Variants in GPATCH2 observed in about 807,000 individuals in gnomAD.
GPATCH2 encodes the protein G patch domain-containing protein 2.
GPATCH2 carries 51 observed loss-of-function variants against 58.0 expected under a neutral mutation model. The observed-to-expected ratio is 0.88, with a 90% confidence interval of 0.70 to 1.11. The LOEUF is 1.11. Among genes scored for constraint, GPATCH2 ranks in the 50% most tolerant of loss-of-function variants. The probability of loss-of-function intolerance (pLI) is 0.00; values close to 1 mark genes in which losing one functional copy is unlikely to be tolerated. For missense variants in GPATCH2, 625 were observed against 652.2 expected (o/e 0.96, Z 0.45); for synonymous variants, 222 against 218.5 (o/e 1.02, Z -0.14).
intron 7 of GPATCH2, chr1:217,492,550 A>T (rs762882642): frequency 1.3e-5 from 2 of 152,212 alleles, no homozygotes; most frequent in Admixed American, 6.5e-5. Context: ...AAAGTCTTGG[A>T]AATAATAATA....
intron 8 of GPATCH2, among the ~76,000 whole-genome samples, chr1:217,469,639 T>C (rs1233352595): frequency 6.6e-6 from 1 of 152,142 alleles, no homozygotes; most frequent in Non-Finnish European, 1.5e-5. Context: ...ATATTTGATA[T>C]TTGAATATTT....
At chr1:217,506,547 C>A (rs1420349908) in intron 6 of GPATCH2, among the ~76,000 whole-genome samples, 2 of 152,136 alleles carry the variant, frequency 1.3e-5, no homozygotes, top group Non-Finnish European at 2.9e-5. Context: ...GCCTTTTGGC[C>A]TTTGGGCATC....
chr1:217,473,501 A>C (rs1317180286), intron 8 of GPATCH2, among the ~76,000 whole-genome samples: 1 of 152,170 alleles, frequency 6.6e-6, no homozygotes, highest in African/African-American at 2.4e-5. Flanking sequence ...TCATGGTTTC[A>C]AAGGTTTTGA....
At chr1:217,433,348 T>G (rs1658633920) in intron 9 of GPATCH2, among the ~76,000 whole-genome samples, 1 of 147,778 alleles carries the variant, frequency 6.8e-6, no homozygotes, top group Admixed American at 6.8e-5. Context: ...TTATTATTGT[T>G]CTTTAAGCTG....
intron 8 of GPATCH2, among the ~76,000 whole-genome samples, chr1:217,478,153 A>G (rs1661050740): frequency 6.6e-6 from 1 of 152,174 alleles, no homozygotes; most frequent in Admixed American, 6.5e-5. Flanking sequence ...AGTCCCTTTT[A>G]ATATCTGGAA....
intron 8 of GPATCH2, among the ~76,000 whole-genome samples, chr1:217,465,710 G>A (rs150044116): frequency 6.6e-6 from 1 of 152,320 alleles, no homozygotes; most frequent in Non-Finnish European, 1.5e-5. Flanking sequence ...ATGTGGAACT[G>A]TAAATCCAAT....
At chr1:217,594,721 T>C (rs1667743417) in intron 5 of GPATCH2, among the ~76,000 whole-genome samples, 1 of 152,176 alleles carries the variant, frequency 6.6e-6, no homozygotes, top group Non-Finnish European at 1.5e-5. Flanking sequence ...TAAAAATAAG[T>C]TTATGTCCTC....
intron 8 of GPATCH2, among the ~76,000 whole-genome samples, chr1:217,478,395 G>C (rs867537661): frequency 2.6e-5 from 4 of 152,194 alleles, no homozygotes; most frequent in Middle Eastern, 3.4e-3. Context: ...ATAACACAAA[G>C]AAGGAATTCA....
intron 5 of GPATCH2, among the ~76,000 whole-genome samples, chr1:217,517,014 T>C (rs1347669771): frequency 2.0e-5 from 3 of 152,208 alleles, no homozygotes; most frequent in East Asian, 3.8e-4. Flanking sequence ...AAACAGAATT[T>C]ATAGCTAATT....
chr1:217,630,889 C>G, intron 1 of GPATCH2, 27 bp downstream of exon 1: 1 of 1,561,214 alleles, frequency 6.4e-7, no homozygotes, highest in Non-Finnish European at 8.7e-7. Context: ...TCCCTGACCT[C>G]CCCCTCCCCA....
At chr1:217,596,117 G>T (rs1489160718) in intron 5 of GPATCH2, among the ~76,000 whole-genome samples, 1 of 152,046 alleles carries the variant, frequency 6.6e-6, no homozygotes, top group African/African-American at 2.4e-5. Flanking sequence ...AAGGAAGGAT[G>T]AAGAGTATCT....
intron 1 of GPATCH2, among the ~76,000 whole-genome samples, chr1:217,629,017 A>G (rs1281402202): frequency 6.6e-6 from 1 of 152,126 alleles, no homozygotes; most frequent in African/African-American, 2.4e-5. Flanking sequence ...CTTATCTAAA[A>G]TGCAAAGAAT....
intron 5 of GPATCH2, chr1:217,610,113 C>T: frequency 6.5e-7 from 1 of 1,543,756 alleles, no homozygotes; most frequent in Non-Finnish European, 8.7e-7. Flanking sequence ...ATGTCATTCC[C>T]CAGATGTTCA....
At chr1:217,496,468 G>T (rs1456404447) in intron 7 of GPATCH2, among the ~76,000 whole-genome samples, 2 of 151,866 alleles carry the variant, frequency 1.3e-5, no homozygotes, top group Non-Finnish European at 2.9e-5. Context: ...TTGTTTGTTT[G>T]TTTTGCATAA....
At chr1:217,477,595 C>T (rs1347073502) in intron 8 of GPATCH2, among the ~76,000 whole-genome samples, 1 of 152,132 alleles carries the variant, frequency 6.6e-6, no homozygotes, top group Non-Finnish European at 1.5e-5. Flanking sequence ...CAGTACTCCC[C>T]ATGGCCTGTG....
At chr1:217,467,793 T>C (rs376758268) in intron 8 of GPATCH2, among the ~76,000 whole-genome samples, 2 of 152,110 alleles carry the variant, frequency 1.3e-5, no homozygotes, top group African/African-American at 4.8e-5. Context: ...TTTCCTATTA[T>C]AGTAAAGGAA....
intron 5 of GPATCH2, among the ~76,000 whole-genome samples, chr1:217,579,122 T>C (rs1436347477): frequency 1.3e-5 from 2 of 152,178 alleles, no homozygotes; most frequent in East Asian, 3.8e-4. Flanking sequence ...TTTTAAAAGG[T>C]GTAACGCACC....
intron 2 of GPATCH2, among the ~76,000 whole-genome samples, chr1:217,615,764 A>G (rs547025152): frequency 6.6e-6 from 1 of 152,298 alleles, no homozygotes; most frequent in African/African-American, 2.4e-5. Context: ...TAAATGAATG[A>G]ATATCCACAT....
chr1:217,609,580 T>C (rs1216917622), intron 5 of GPATCH2: 2 of 984,718 alleles, frequency 2.0e-6, no homozygotes, highest in Non-Finnish European at 2.4e-6. Context: ...GAAAGGAAGC[T>C]GAACAAAATA....
Sources: allele counts gnomAD v4.1 joint callset (sites outside exome capture counted in the v4.1 genomes callset), GRCh38; gene constraint gnomAD v4.1.1; transcripts MANE v1.5; gene names NCBI Gene and HGNC (gene_info 2026-07-23, HGNC 2026-07-21).